Variants in MAPK8 observed in about 807,000 individuals in gnomAD.
The protein encoded by MAPK8 is JUN N-terminal kinase.
A neutral mutation model predicts 52.9 loss-of-function variants in MAPK8; 13 were observed. The ratio of observed to expected loss-of-function variants is 0.25; its 90% confidence interval spans 0.16 to 0.39. The LOEUF is 0.39. Among genes scored for constraint, MAPK8 ranks in the 10% least tolerant of loss-of-function variants. The probability of loss-of-function intolerance (pLI) is 1.00; values close to 1 mark genes in which losing one functional copy is unlikely to be tolerated. For missense variants in MAPK8, 300 were observed against 519.2 expected, an observed-to-expected ratio of 0.58 and a Z score of 4.10; for synonymous variants, 191 against 169.8, an observed-to-expected ratio of 1.12 and a Z score of -0.97.
At chr10:48,404,173 C>T (rs2042328098) in intron 2 of MAPK8, among the ~76,000 whole-genome samples, 2 of 141,280 alleles carry the variant, frequency 1.4e-5, no homozygotes, top group South Asian at 2.3e-4. Context: ...AATTTATATG[C>T]TTTTTTTTTT....
intron 3 of MAPK8, among the ~76,000 whole-genome samples, chr10:48,409,175 G>C (rs1296869201): frequency 1.3e-5 from 2 of 152,110 alleles, no homozygotes; most frequent in African/African-American, 4.8e-5. Flanking sequence ...TCTTCAAGCT[G>C]TTTATAGCAC....
chr10:48,419,366 T>C (rs2043226835), intron 5 of MAPK8, among the ~76,000 whole-genome samples: 1 of 152,208 alleles, frequency 6.6e-6, no homozygotes. Context: ...CTTTGGCTTA[T>C]AATAGTATTC....
intron 9 of MAPK8, 128 bp downstream of exon 9, chr10:48,426,632 C>T: frequency 1.1e-6 from 1 of 869,866 alleles, no homozygotes; most frequent in Non-Finnish European, 1.7e-6. Flanking sequence ...TTTTCTGTTT[C>T]TTCATGAAGA....
chr10:48,408,949 T>C (rs61838697), intron 3 of MAPK8, among the ~76,000 whole-genome samples: 5,837 of 152,308 alleles, frequency 0.038, 120 homozygotes, highest in African/African-American at 0.047. Flanking sequence ...GCTCTTTTCG[T>C]CTTCCCTTGT....
In MAPK8 at chr10:48,437,210, A is replaced by G. The variant is rs1178164760; in HGVS notation, c.*2181A>G. ...TAAACTAAAATACTTAACAAATTAT[A>G]TCCTAAAAACAAGGTCTCTTTGTTA... On this transcript the variant is annotated 3_prime_UTR_variant, in exon 12 of 12. Coordinates refer to ENST00000374189, the MANE Select transcript of MAPK8 (RefSeq NM_001323329.2). 6.6e-6 allele frequency: 1 copy of G among 152,254 alleles called. No individual in the cohort carries two copies. Among genetic ancestry groups the G allele is most frequent in the Non-Finnish European group, 1.5e-5 (1 of 68,044 alleles). The allele number at this position is 152,254 out of a possible 1,614,324, so 9.4% of individuals were successfully genotyped here.
intron 1 of MAPK8, among the ~76,000 whole-genome samples, chr10:48,320,933 C>T (rs1415744754): frequency 6.6e-6 from 1 of 152,060 alleles, no homozygotes; most frequent in Non-Finnish European, 1.5e-5. Flanking sequence ...GAAGTGATAG[C>T]CCATTGTGAT....
At chr10:48,312,965 TA>T (rs1226316985) in intron 1 of MAPK8, among the ~76,000 whole-genome samples, 1 of 152,240 alleles carries the variant, frequency 6.6e-6, no homozygotes, top group Non-Finnish European at 1.5e-5. Flanking sequence ...AAAGATAGTT[TA>T]TATATGTTTA....
intron 1 of MAPK8, among the ~76,000 whole-genome samples, chr10:48,346,953 C>A (rs553229857): frequency 6.6e-6 from 1 of 152,152 alleles, no homozygotes; most frequent in African/African-American, 2.4e-5. Flanking sequence ...TTTACCCTGC[C>A]CCTTCTGCCT....
chr10:48,316,453 T>C (rs1842512693), intron 1 of MAPK8, among the ~76,000 whole-genome samples: 1 of 152,250 alleles, frequency 6.6e-6, no homozygotes, highest in South Asian at 2.1e-4. Flanking sequence ...ATCCCCGTCC[T>C]TAAGCAAGGT....
intron 5 of MAPK8, among the ~76,000 whole-genome samples, chr10:48,418,701 A>G (rs1172761267): frequency 1.3e-5 from 2 of 152,234 alleles, no homozygotes; most frequent in African/African-American, 2.4e-5. Context: ...ATTCTTATAT[A>G]TAGTTAGCAG....
At chr10:48,424,003 T>C (rs1448438797) in intron 6 of MAPK8, 85 bp from the exon 7 acceptor site, 6 of 907,168 alleles carry the variant, frequency 6.6e-6, no homozygotes, top group Non-Finnish European at 8.1e-6. Flanking sequence ...TTTTGCAGTT[T>C]TTATATAATG....
chr10:48,419,281 T>A (rs746738067), intron 5 of MAPK8, among the ~76,000 whole-genome samples: 1 of 152,242 alleles, frequency 6.6e-6, no homozygotes, highest in Non-Finnish European at 1.5e-5. Context: ...TGATATTTAA[T>A]ATGTATACTG....
intron 1 of MAPK8, among the ~76,000 whole-genome samples, chr10:48,313,820 A>G (rs11101290): frequency 0.54 from 82,205 of 152,014 alleles, 22,435 homozygotes; most frequent in Middle Eastern, 0.73. Flanking sequence ...CAGTGGCACA[A>G]TCTCAGCTCA....
In MAPK8 at chr10:48,357,299, T is replaced by G. The variant is rs555846228; in HGVS notation, c.-49-44313T>G. Among the ~76,000 whole-genome samples the G allele has an allele frequency of 3.3e-5, 5 of 152,332 alleles. No individual in the cohort carries two copies. The South Asian group carries it at 1.0e-3, about 32-fold the overall frequency. On this transcript the variant is annotated intron_variant, in intron 1 of 11. Coordinates refer to ENST00000374189, the MANE Select transcript of MAPK8 (RefSeq NM_001323329.2). The stretch of plus-strand genomic sequence containing the variant: ...AATTGGTTTTCTGTGCCTTCTTTGT[T>G]TTTGTTTAGTCTTGCAAACACCAAA...
At chr10:48,394,616 A>G (rs1317589136) in intron 1 of MAPK8, among the ~76,000 whole-genome samples, 1 of 151,940 alleles carries the variant, frequency 6.6e-6, no homozygotes, top group African/African-American at 2.4e-5. Context: ...CAACTAGTAA[A>G]ATCCTATAAT....
In MAPK8 at chr10:48,438,125, TTG is replaced by T. The variant is rs951114206; in HGVS notation, c.*3099_*3100del. ...ATATTTTCAGAAATACTGTTGTAGT[TTG>T]TGAGTGTTGTTCATTAGTTACACAT... is the stretch of plus-strand genomic sequence containing the variant. On this transcript the variant is annotated 3_prime_UTR_variant, in exon 12 of 12. Coordinates refer to ENST00000374189, the MANE Select transcript of MAPK8 (RefSeq NM_001323329.2). 6.6e-6 allele frequency: 1 copy of T among 152,230 alleles called. No homozygotes were observed. The highest frequency in any genetic ancestry group is 2.4e-5 in the African/African-American group (1 of 41,454). 9.4% of individuals were successfully genotyped at this position (152,230 alleles called of 1,614,324 possible).
At chr10:48,405,633 A>G (rs1334929957) in intron 3 of MAPK8, among the ~76,000 whole-genome samples, 1 of 152,220 alleles carries the variant, frequency 6.6e-6, no homozygotes. Flanking sequence ...AAGCTTATTC[A>G]TACTTTTGTG....
chr10:48,429,136 A>G (rs76727362), intron 10 of MAPK8, among the ~76,000 whole-genome samples: 9,406 of 151,986 alleles, frequency 0.062, 624 homozygotes, highest in Admixed American at 0.21. Flanking sequence ...TTTTTAAAAA[A>G]AAATTTTGTA....
At position 48,310,615 on chromosome 10, in the gene MAPK8, G is replaced by A. The variant is rs148746201; in HGVS notation, c.-50+3794G>A. 7.2e-5 allele frequency among the ~76,000 whole-genome samples: 11 copies of A among 152,186 alleles called. No individual in the cohort carries two copies. The East Asian group carries it at 2.1e-3, about 29-fold the overall frequency. ...AATCAAGGATTAGACTGAAGGCATC[G>A]CTAAACAGTTAATTTATGCTCTTTT... On this transcript the variant is annotated intron_variant, in intron 1 of 11. Coordinates refer to ENST00000374189, the MANE Select transcript of MAPK8 (RefSeq NM_001323329.2).
Sources: gnomAD v4.1 joint callset for allele counts (sites outside exome capture counted in the v4.1 genomes callset) on GRCh38, gnomAD v4.1.1 for gene constraint, MANE v1.5 for transcripts, NCBI Gene and HGNC (gene_info 2026-07-23, HGNC 2026-07-21) for gene names.